The following ASB8 variants were observed in gnomAD, a reference collection of about 807,000 sequenced individuals.
The protein encoded by ASB8 is ankyrin repeat and SOCS box containing 8.
In ASB8, 15 loss-of-function variants were observed where a neutral mutation model predicts 22.9. That is an observed-to-expected ratio of 0.66 (90% CI 0.44 to 1.01). The LOEUF (loss-of-function observed/expected upper bound fraction) is 1.01. ASB8 is among the 50% of genes least tolerant of loss of function. The pLI, the probability that ASB8 is intolerant of heterozygous loss-of-function variation, is 0.00. For synonymous variants in ASB8, 124 were observed against 140.8 expected (o/e 0.88, Z 0.84); for missense variants, 294 against 356.9 (o/e 0.82, Z 1.42).
chr12:48,151,394 G>GT, intron 2 of ASB8, 89 bp from the exon 3 acceptor site: 2 of 1,116,116 alleles, frequency 1.8e-6, no homozygotes, highest in Non-Finnish European at 2.6e-6. Context: ...GGGACAGAGA[G>GT]TTCTAACTCT....
At chr12:48,150,049 A>G in intron 3 of ASB8, 51 bp from the exon 4 acceptor site, 1 of 1,567,476 alleles carries the variant, frequency 6.4e-7, no homozygotes, top group Non-Finnish European at 8.8e-7. Context: ...AGAGGAAGAC[A>G]GGACAGCAGC....
chr12:48,156,680 T>C (rs1951310488), intron 1 of ASB8, among the ~76,000 whole-genome samples: 1 of 152,176 alleles, frequency 6.6e-6, no homozygotes, highest in Admixed American at 6.5e-5. Flanking sequence ...GATAATCGGA[T>C]GAAACTAAAT....
At chr12:48,155,240 A>G (rs1951281159) in intron 1 of ASB8, among the ~76,000 whole-genome samples, 1 of 152,190 alleles carries the variant, frequency 6.6e-6, no homozygotes, top group African/African-American at 2.4e-5. Context: ...CTGCTTAGAA[A>G]TCTGTGTTCT....
chr12:48,153,423 G>A lies in ASB8; in HGVS notation c.74C>T (p.Thr25Ile). 6.2e-7 allele frequency: 1 copy of A among 1,613,826 alleles called. No individual in the cohort carries two copies. The highest frequency in any genetic ancestry group is 8.5e-7 in the Non-Finnish European group (1 of 1,179,712). Reference sequence around the variant, plus strand: ...TGGGAAGGAACGGATGGCAGCAATTGTTCGGATTAAGCGCTCGGAGAGAGA... The same window carrying A: ...TGGGAAGGAACGGATGGCAGCAATTATTCGGATTAAGCGCTCGGAGAGAGA... ...KYSLSERLIR[T>I]IAAIRSFPHD... The change falls in exon 2 of 4, where the codon ACA becomes ATA. Residue 25 changes from threonine (T) to isoleucine (I), a missense_variant. Coordinates refer to ENST00000317697, the MANE Select transcript of ASB8 (RefSeq NM_024095.5).
In ASB8 at chr12:48,153,391, TATC is replaced by T; in HGVS notation, c.103_105del (p.Asp35del). The T allele has an allele frequency of 6.2e-7, 1 of 1,613,946 alleles. No homozygotes were observed. The highest frequency in any genetic ancestry group is 2.2e-5 in the East Asian group (1 of 44,878). On this transcript the variant is annotated inframe_deletion, in exon 2 of 4. Transcript: ENST00000317697. Reference sequence around the variant, plus strand: ...ACCCCTCTGATGAGGTCCTCTACATTATCATGTGGGAAGGAACGGATGGCAGCA... The same window carrying T: ...ACCCCTCTGATGAGGTCCTCTACATTATGTGGGAAGGAACGGATGGCAGCA...
intron 3 of ASB8, chr12:48,150,936 A>G: frequency 1.8e-6 from 1 of 559,072 alleles, no homozygotes; most frequent in South Asian, 2.4e-5. Context: ...AGCTTAAGTT[A>G]AGGAGAAGAA....
chr12:48,156,338 C>CA (rs1466427941), intron 1 of ASB8, among the ~76,000 whole-genome samples: 1 of 152,086 alleles, frequency 6.6e-6, no homozygotes, highest in African/African-American at 2.4e-5. Flanking sequence ...TTAATCTCTC[C>CA]AGTAGCCACT....
chr12:48,153,667 T>C (rs1254171052), intron 1 of ASB8, 138 bp from the exon 2 acceptor site: 2 of 632,608 alleles, frequency 3.2e-6, no homozygotes, highest in East Asian at 6.7e-5. Flanking sequence ...TCATAAGGAA[T>C]TGGATTATAA....
At chr12:48,155,734 A>ATAT (rs1951290832) in intron 1 of ASB8, among the ~76,000 whole-genome samples, 4 of 107,832 alleles carry the variant, frequency 3.7e-5, no homozygotes, top group African/African-American at 1.5e-4. Flanking sequence ...CATCTCAAAA[A>ATAT]AAAAAAAAAT....
At chr12:48,151,178 T>C (rs750324256) in intron 3 of ASB8, 23 bp downstream of exon 3, 1 of 1,555,992 alleles carries the variant, frequency 6.4e-7, no homozygotes, top group Admixed American at 1.7e-5. Flanking sequence ...GAGTCATTAA[T>C]GTGAATGTGT....
At chr12:48,155,996 C>G (rs527272395) in intron 1 of ASB8, among the ~76,000 whole-genome samples, 2 of 151,796 alleles carry the variant, frequency 1.3e-5, no homozygotes, top group Non-Finnish European at 2.9e-5. Context: ...AAACTGGTCT[C>G]AAACTCCTGA....
chr12:48,148,682 T>TTTTTTTA lies in ASB8; in HGVS notation c.*683_*684insTAAAAAA, dbSNP rs1491299112. The TTTTTTTA allele has an allele frequency of 3.1e-5, 4 of 129,106 alleles. No homozygotes were observed. Among genetic ancestry groups the TTTTTTTA allele is most frequent in the Admixed American group, 7.8e-5 (1 of 12,872 alleles). The allele number at this position is 129,106 out of a possible 1,614,324, so 8.0% of individuals were successfully genotyped here. The stretch of plus-strand genomic sequence containing the variant: ...GGTTTTTTTTTTTTTTTTTTTTTTT[T>TTTTTTTA]GAGACAGTTTTGCTCTTGTTGTCCA... On this transcript the variant is annotated 3_prime_UTR_variant, in exon 4 of 4. Coordinates refer to ENST00000317697, the MANE Select transcript of ASB8 (RefSeq NM_024095.5).
In ASB8 at chr12:48,149,640, C is replaced by A. The variant is rs1951161286; in HGVS notation, c.593G>T (p.Gly198Val). The A allele has an allele frequency of 3.7e-6, 6 of 1,614,140 alleles. No homozygotes were observed. The East Asian group carries it at 1.3e-4, about 36-fold the overall frequency. Residue 198 changes from glycine to valine, a missense_variant, in exon 4 of 4, where the codon GGA becomes GTA. Gly to Val is a moderately radical substitution (Grantham distance 109, BLOSUM62 -3). Coordinates refer to ENST00000317697, the MANE Select transcript of ASB8 (RefSeq NM_024095.5). ...AGAGTCCTCTTTCTCTGTTCCAAGTCCCCTGACTAGCAGAGCCACCAGGCG... is the reference window on the plus strand; with the variant it reads ...AGAGTCCTCTTTCTCTGTTCCAAGTACCCTGACTAGCAGAGCCACCAGGCG... ...ISRLVALLVR[G>V]LGTEKEDSCF...
At chr12:48,157,164 GGGGC>G (rs1951320473) in intron 1 of ASB8, 1 of 152,370 alleles carries the variant, frequency 6.6e-6, no homozygotes. Flanking sequence ...CTGAGGCTAG[GGGGC>G]GGGGGGCAAG....
In ASB8 at chr12:48,151,061, T is replaced by C. The variant is rs1244197486; in HGVS notation, c.234+140A>G. The C allele has an allele frequency of 1.8e-5, 12 of 666,262 alleles. No homozygotes were observed. The South Asian group carries it at 1.8e-4, about 10-fold the overall frequency. The allele number at this position is 666,262 out of a possible 1,614,324, so 41.3% of individuals were successfully genotyped here. A position where few individuals can be genotyped will look rare whatever the true frequency, so the allele number is the denominator to read the frequency against. ...ATTTACCATTACATTTTCCTTAATATTGGCTATGCCAACATTACCTTGAGT... is the reference window on the plus strand; with the variant it reads ...ATTTACCATTACATTTTCCTTAATACTGGCTATGCCAACATTACCTTGAGT... On this transcript the variant is annotated intron_variant, in intron 3 of 3. Transcript: ENST00000317697.
chr12:48,150,054 A>G, intron 3 of ASB8, 56 bp from the exon 4 acceptor site: 1 of 1,560,298 alleles, frequency 6.4e-7, no homozygotes, highest in East Asian at 2.2e-5. Context: ...AAGACAGGAC[A>G]GCAGCAAAGA....
chr12:48,152,254 G>A lies in ASB8; in HGVS notation c.130-949C>T, dbSNP rs1022771101. Among the ~76,000 whole-genome samples, 8 of 152,028 alleles carry A rather than the reference G, an allele frequency of 5.3e-5. No individual in the cohort carries two copies. In the South Asian group the frequency reaches 6.2e-4, roughly 12 times the overall value. ...ATTAGAATGTTACAAGGTTTCTACC[G>A]CGGAGTCTCCTGACACTACTTTTGC... On this transcript the variant is annotated intron_variant, in intron 2 of 3. Coordinates refer to ENST00000317697, the MANE Select transcript of ASB8 (RefSeq NM_024095.5).
At chr12:48,150,252 G>C (rs955751324) in intron 3 of ASB8, 1 of 696,678 alleles carries the variant, frequency 1.4e-6, no homozygotes, top group African/African-American at 1.8e-5. Context: ...CATTATTTTG[G>C]TTTTTGCTGC....
chr12:48,154,179 AG>A (rs1486476546), intron 1 of ASB8, among the ~76,000 whole-genome samples: 1 of 152,180 alleles, frequency 6.6e-6, no homozygotes, highest in Admixed American at 6.5e-5. Flanking sequence ...TGTTCAGAAG[AG>A]GAAAAAAAGG....
Sources: allele counts gnomAD v4.1 joint callset (sites outside exome capture counted in the v4.1 genomes callset), GRCh38; gene constraint gnomAD v4.1.1; transcripts MANE v1.5; gene names NCBI Gene and HGNC (gene_info 2026-07-23, HGNC 2026-07-21).